The following RGS9 variants were observed in gnomAD, a reference collection of about 807,000 sequenced individuals.
RGS9 encodes the protein regulator of G-protein signalling 9.
RGS9 carries 78 observed loss-of-function variants against 102.0 expected under a neutral mutation model. The observed-to-expected ratio is 0.76, with a 90% CI of 0.64 to 0.92. The LOEUF is 0.92. Among genes scored for constraint, RGS9 ranks in the 40% least tolerant of loss-of-function variants. The probability of loss-of-function intolerance (pLI) is 0.00; values close to 1 mark genes in which losing one functional copy is unlikely to be tolerated. For synonymous variants in RGS9, 353 were observed against 318.6 expected (o/e 1.11, Z -1.15); for missense variants, 833 against 866.1 (o/e 0.96, Z 0.48).
chr17:65,157,304 C>T (rs1187376715), intron 2 of RGS9, among the ~76,000 whole-genome samples: 1 of 151,966 alleles, frequency 6.6e-6, no homozygotes, highest in Non-Finnish European at 1.5e-5. Flanking sequence ...TTCCAGGGCA[C>T]CTTGTCTATC....
intron 15 of RGS9, among the ~76,000 whole-genome samples, chr17:65,206,295 G>A (rs1441931222): frequency 6.6e-6 from 1 of 152,192 alleles, no homozygotes; most frequent in Non-Finnish European, 1.5e-5. Context: ...ATCAGTGGCT[G>A]TCTCTTTGTT....
At chr17:65,212,135 G>A (rs1464165620) in intron 17 of RGS9, among the ~76,000 whole-genome samples, 1 of 152,200 alleles carries the variant, frequency 6.6e-6, no homozygotes, top group Non-Finnish European at 1.5e-5. Flanking sequence ...GCTTCACATA[G>A]TCTCTTCTAC....
chr17:65,208,139 C>T (rs552037258), intron 16 of RGS9, 132 bp downstream of exon 16: 3 of 688,526 alleles, frequency 4.4e-6, no homozygotes, highest in Admixed American at 2.1e-5. Flanking sequence ...AAGTATTGCT[C>T]AGGGAATGAG....
chr17:65,149,214 T>C (rs1038820506), intron 1 of RGS9, among the ~76,000 whole-genome samples: 1 of 152,122 alleles, frequency 6.6e-6, no homozygotes, highest in Admixed American at 6.5e-5. Context: ...CCTCAAGTGA[T>C]CCACCCGCCT....
rs36062784 is a variant in RGS9 at position 65,147,587 on chromosome 17, C to CTTTTTTTTTTTT, written c.58-5825_58-5814dup. On this transcript the variant is annotated intron_variant, in intron 1 of 18. Coordinates refer to ENST00000262406, the MANE Select transcript of RGS9 (RefSeq NM_003835.4). ...GATCATTCTCTCTCTCTTTTAAAAA[C>CTTTTTTTTTTTT]TTTTTTTTTTTTTTTTTTTTTGAGA... Among the ~76,000 whole-genome samples, 2 of 103,674 alleles carry CTTTTTTTTTTTT rather than the reference C, an allele frequency of 1.9e-5. 1 individual carries two copies. Among genetic ancestry groups the CTTTTTTTTTTTT allele is most frequent in the African/African-American group, 9.4e-5 (2 of 21,182 alleles). 68.0% of individuals were successfully genotyped at this position (103,674 alleles called of 152,430 possible).
Position 65,225,412 on chromosome 17 carries a change from G to A in RGS9, c.1818G>A (p.Val606=). Residue 606 remains valine, a synonymous_variant, in exon 18 of 19, where the codon GTG becomes GTA. Coordinates refer to ENST00000262406, the MANE Select transcript of RGS9 (RefSeq NM_003835.4). ...GGCTCTCACCCAAGTGCCCTGCTGT[G>A]TCCCACGGGAGGGTGCAGCCCCTGG... ...FARLSPKCPA[V]SHGRVQPLGD... is the part of the protein sequence containing the mutation. The A allele has an allele frequency of 6.2e-7, 1 of 1,610,976 alleles. No homozygotes were observed. Among genetic ancestry groups the A allele is most frequent in the South Asian group, 1.1e-5 (1 of 91,086 alleles).
At chr17:65,138,568 C>G (rs545135961) in intron 1 of RGS9, among the ~76,000 whole-genome samples, 2 of 151,956 alleles carry the variant, frequency 1.3e-5, no homozygotes, top group Non-Finnish European at 2.9e-5. Context: ...TCAAGATGCT[C>G]GTGCTCATCT....
At position 65,158,301 on chromosome 17, in the gene RGS9, A is replaced by T. The variant is rs762280917; in HGVS notation, c.161A>T (p.Asp54Val). ...AATGTCTCTTGTTTTTCAGGAAGTG[A>T]TGTTCTGCAATGGATCGTCCAGCGG... Reference protein sequence around the residue: ...TSVPHAMTGSDVLQWIVQRLW... With the variant: ...TSVPHAMTGSVVLQWIVQRLW... Residue 54 changes from aspartate (D) to valine (V), a missense_variant, in exon 3 of 19, where the codon GAT becomes GTT. Physicochemically the swap from Asp to Val is radical, Grantham distance 152 (BLOSUM62 -3). Coordinates refer to ENST00000262406, the MANE Select transcript of RGS9 (RefSeq NM_003835.4). 6.2e-7 allele frequency: 1 copy of T among 1,614,140 alleles called. No homozygotes were observed. The highest frequency in any genetic ancestry group is 1.1e-5 in the South Asian group (1 of 91,084).
intron 3 of RGS9, chr17:65,158,686 C>T (rs1910867276): frequency 4.8e-6 from 2 of 416,786 alleles, no homozygotes. Context: ...TATAAGGGGA[C>T]ACTAGCAAGA....
intron 18 of RGS9, 140 bp downstream of exon 18, chr17:65,225,626 C>G (rs746645026): frequency 2.5e-6 from 3 of 1,200,686 alleles, no homozygotes; most frequent in Non-Finnish European, 3.6e-6. Context: ...GATCCCTTGG[C>G]CACTGGAAGA....
intron 12 of RGS9, 55 bp from the exon 13 acceptor site, chr17:65,197,071 C>G: frequency 7.6e-7 from 1 of 1,314,216 alleles, no homozygotes; most frequent in Non-Finnish European, 1.1e-6. Flanking sequence ...CCAACCCAGG[C>G]CACCACCTGT....
chr17:65,178,222 C>T (rs1023787689), intron 9 of RGS9, among the ~76,000 whole-genome samples: 3 of 152,150 alleles, frequency 2.0e-5, no homozygotes, highest in African/African-American at 7.2e-5. Context: ...ACTCTTGAAT[C>T]AGTTTTAGAT....
At chr17:65,216,236 G>A (rs969535572) in intron 17 of RGS9, among the ~76,000 whole-genome samples, 2 of 152,204 alleles carry the variant, frequency 1.3e-5, no homozygotes, top group Non-Finnish European at 2.9e-5. Context: ...AGTGAACCGT[G>A]GATGACTGGG....
At chr17:65,216,322 A>C (rs1339326297) in intron 17 of RGS9, among the ~76,000 whole-genome samples, 1 of 152,196 alleles carries the variant, frequency 6.6e-6, no homozygotes, top group East Asian at 1.9e-4. Flanking sequence ...CCAAGCAAAC[A>C]GAGAGACAGA....
At position 65,202,408 on chromosome 17, in the gene RGS9, GGT is replaced by G. The variant is rs746368093; in HGVS notation, c.1064+364_1064+365del. Among the ~76,000 whole-genome samples, 1,005 of 132,190 alleles carry G rather than the reference GGT, an allele frequency of 7.6e-3. 4 individuals carry two copies. The highest frequency in any genetic ancestry group is 0.027 in the East Asian group (130 of 4,810). 86.7% of individuals were successfully genotyped at this position (132,190 alleles called of 152,430 possible). On this transcript the variant is annotated intron_variant, in intron 14 of 18. Transcript: ENST00000262406. ...TAAAGCCTTCTTAGGTGTCCTGAGGGGTGTGTGTGTGTGTGTGTGTGTGTGTG... is the reference window on the plus strand; with the variant it reads ...TAAAGCCTTCTTAGGTGTCCTGAGGGGTGTGTGTGTGTGTGTGTGTGTGTG...
chr17:65,143,573 G>C (rs1467874724), intron 1 of RGS9, among the ~76,000 whole-genome samples: 3 of 152,186 alleles, frequency 2.0e-5, no homozygotes, highest in African/African-American at 7.2e-5. Flanking sequence ...CTTGAGCCCA[G>C]GTGTTCGAGA....
intron 9 of RGS9, among the ~76,000 whole-genome samples, chr17:65,180,630 A>G (rs878868059): frequency 6.6e-6 from 1 of 152,228 alleles, no homozygotes; most frequent in African/African-American, 2.4e-5. Flanking sequence ...GATTACAGGC[A>G]TGAACCACTG....
chr17:65,206,254 T>G (rs116400783), intron 15 of RGS9, among the ~76,000 whole-genome samples: 2,256 of 152,338 alleles, frequency 0.015, 73 homozygotes, highest in African/African-American at 0.051. Flanking sequence ...CATCATTTTT[T>G]GAATCAGTGG....
intron 1 of RGS9, among the ~76,000 whole-genome samples, chr17:65,150,340 G>T (rs1056430123): frequency 2.0e-5 from 3 of 152,224 alleles, no homozygotes; most frequent in African/African-American, 7.2e-5. Flanking sequence ...CAACCTAGGA[G>T]GCTGGGTGCA....
Sources: allele counts gnomAD v4.1 joint callset (sites outside exome capture counted in the v4.1 genomes callset), GRCh38; gene constraint gnomAD v4.1.1; transcripts MANE v1.5; gene names NCBI Gene and HGNC (gene_info 2026-07-23, HGNC 2026-07-21).